GLYR1: variants seen among roughly 807,000 people sequenced by gnomAD.
GLYR1 encodes cytokine-like nuclear factor N-PAC.
Under a neutral mutation model 72.7 loss-of-function variants are expected in GLYR1, and 21 were observed. That is an observed-to-expected ratio of 0.29 (90% CI 0.20 to 0.42). GLYR1 has a LOEUF of 0.42. Ranked by LOEUF, GLYR1 falls within the 10% of genes least tolerant of loss-of-function variation. The pLI, the probability that GLYR1 is intolerant of heterozygous loss-of-function variation, is 1.00. For synonymous variants in GLYR1, 392 were observed against 270.2 expected (o/e 1.45, Z -4.42); for missense variants, 594 against 712.1 (o/e 0.83, Z 1.89).
intron 9 of GLYR1, 44 bp from the exon 10 acceptor site, chr16:4,817,741 G>T: frequency 8.3e-7 from 1 of 1,197,924 alleles, no homozygotes; most frequent in Non-Finnish European, 1.2e-6. Context: ...GAAAGGGAGG[G>T]TCACGGTGAT....
At chr16:4,812,972 T>TG (rs1218320064) in intron 12 of GLYR1, among the ~76,000 whole-genome samples, 1 of 151,190 alleles carries the variant, frequency 6.6e-6, no homozygotes, top group Non-Finnish European at 1.5e-5. Flanking sequence ...AATTTTTTTT[T>TG]TTTTTTTTGA....
At position 4,846,198 on chromosome 16, in the gene GLYR1, G is replaced by C; in HGVS notation, c.51C>G (p.Gly17=). 1 of 1,613,874 alleles carries C rather than the reference G, an allele frequency of 6.2e-7. No individual in the cohort carries two copies. Among genetic ancestry groups the C allele is most frequent in the Non-Finnish European group, 8.5e-7 (1 of 1,179,866 alleles). Residue 17 remains glycine (G), a synonymous_variant, in exon 2 of 16, where the codon GGC becomes GGG. Coordinates refer to ENST00000321919, the MANE Select transcript of GLYR1 (RefSeq NM_032569.4). ...CCTTTCCTGGCCAAGGAGGATATCGGCCGAGTTTCCCCCTAGAGAAAACAC... is the reference window on the plus strand; with the variant it reads ...CCTTTCCTGGCCAAGGAGGATATCGCCCGAGTTTCCCCCTAGAGAAAACAC... ...RLGDLVWGKL[G]RYPPWPGKIV...
rs369752143 is a variant in GLYR1 at position 4,828,635 on chromosome 16, C to T, written c.537+3344G>A. Among the ~76,000 whole-genome samples, 17 of 152,142 alleles carry T rather than the reference C, an allele frequency of 1.1e-4. No homozygotes were observed. The South Asian group carries it at 1.7e-3, about 15-fold the overall frequency. ...GCCTCTGGGGTTCTCACTGTACAAA[C>T]GGCCAGTGTCTGCGAAACAAACCTA... On this transcript the variant is annotated intron_variant, in intron 5 of 15. Transcript: ENST00000321919.
chr16:4,839,417 C>G (rs1246260798), intron 3 of GLYR1: 1 of 152,188 alleles, frequency 6.6e-6, no homozygotes, highest in Non-Finnish European at 1.5e-5. Flanking sequence ...AAACCGTGAG[C>G]TCTGTCTCTA....
chr16:4,838,869 G>C (rs1343318395), intron 3 of GLYR1, among the ~76,000 whole-genome samples: 1 of 152,062 alleles, frequency 6.6e-6, no homozygotes, highest in Non-Finnish European at 1.5e-5. Context: ...TTACAGATGT[G>C]AGCCACCGTG....
At chr16:4,830,508 G>A (rs979804536) in intron 5 of GLYR1, among the ~76,000 whole-genome samples, 12 of 152,298 alleles carry the variant, frequency 7.9e-5, no homozygotes, top group African/African-American at 2.2e-4. Flanking sequence ...CCTGGCACCC[G>A]TGCCACTGCT....
chr16:4,825,762 C>T (rs1218603332), intron 5 of GLYR1, among the ~76,000 whole-genome samples: 1 of 152,060 alleles, frequency 6.6e-6, no homozygotes, highest in Admixed American at 6.6e-5. Context: ...AGCGATTCTC[C>T]TGCCTCAGCC....
chr16:4,843,247 T>A (rs1004296032), intron 3 of GLYR1, among the ~76,000 whole-genome samples: 6 of 152,186 alleles, frequency 3.9e-5, no homozygotes, highest in Non-Finnish European at 5.9e-5. Context: ...CTCTGCCTCC[T>A]GGGTTCAGGC....
At chr16:4,838,604 T>C (rs1193501774) in intron 3 of GLYR1, among the ~76,000 whole-genome samples, 3 of 151,972 alleles carry the variant, frequency 2.0e-5, no homozygotes, top group Non-Finnish European at 4.4e-5. Context: ...TTTTTTTTTT[T>C]GAGACAGAGT....
At chr16:4,812,588 G>A (rs1226982707) in intron 12 of GLYR1, among the ~76,000 whole-genome samples, 4 of 151,946 alleles carry the variant, frequency 2.6e-5, no homozygotes, top group Non-Finnish European at 5.9e-5. Flanking sequence ...CGCCTCGCGG[G>A]TTCATGCCAT....
chr16:4,838,948 T>TC (rs1259513325), intron 3 of GLYR1, among the ~76,000 whole-genome samples: 23 of 152,250 alleles, frequency 1.5e-4, no homozygotes, highest in African/African-American at 5.3e-4. Context: ...ATACAGTGCC[T>TC]CAATCACAGT....
In GLYR1 at chr16:4,842,918, T is replaced by G. The variant is rs544519450; in HGVS notation, c.155+2156A>C. Among the ~76,000 whole-genome samples, 4 of 152,114 alleles carry G rather than the reference T, an allele frequency of 2.6e-5. No individual in the cohort carries two copies. In the South Asian group the frequency reaches 6.2e-4, roughly 24 times the overall value. On this transcript the variant is annotated intron_variant, in intron 3 of 15. Coordinates refer to ENST00000321919, the MANE Select transcript of GLYR1 (RefSeq NM_032569.4). The stretch of plus-strand genomic sequence containing the variant: ...TTTCACCATGTTGGCCAGGCTGTTC[T>G]CAAATTCCTGGCGTTAAGCAATCTG...
chr16:4,811,355 G>A (rs888699539), intron 14 of GLYR1, 61 bp from the exon 15 acceptor site: 39 of 1,599,368 alleles, frequency 2.4e-5, no homozygotes, highest in Admixed American at 1.9e-4. Context: ...AACTACTTAC[G>A]GTCCACCAGG....
chr16:4,827,406 T>C (rs766235943), intron 5 of GLYR1, among the ~76,000 whole-genome samples: 1 of 152,208 alleles, frequency 6.6e-6, no homozygotes, highest in Non-Finnish European at 1.5e-5. Flanking sequence ...ATCTGTCCTG[T>C]ACCACATGCC....
intron 15 of GLYR1, among the ~76,000 whole-genome samples, chr16:4,807,797 CTT>C (rs757031109): frequency 3.9e-5 from 6 of 152,174 alleles, no homozygotes; most frequent in Non-Finnish European, 8.8e-5. Flanking sequence ...TCAAAAAAGA[CTT>C]ATAAAATACA....
At chr16:4,816,772 G>C (rs573634611) in intron 10 of GLYR1, among the ~76,000 whole-genome samples, 3 of 152,180 alleles carry the variant, frequency 2.0e-5, no homozygotes, top group Admixed American at 6.5e-5. Flanking sequence ...GATCACCTGA[G>C]GTCAGAAGTT....
chr16:4,841,205 T>C (rs1405141939), intron 3 of GLYR1, among the ~76,000 whole-genome samples: 2 of 152,094 alleles, frequency 1.3e-5, no homozygotes, highest in East Asian at 1.9e-4. Flanking sequence ...ACATCACCAC[T>C]GGCTTCACCT....
intron 1 of GLYR1, 191 bp downstream of exon 1, chr16:4,847,037 C>T (rs1738446065): frequency 1.7e-6 from 1 of 581,212 alleles, no homozygotes; most frequent in Non-Finnish European, 3.0e-6. Flanking sequence ...ACGTGGCCAC[C>T]CTCGGCCTCG....
In GLYR1 at chr16:4,803,660, T is replaced by G. The variant is rs927170238; in HGVS notation, c.*1576A>C. ...TTCAAAATCCCAGTGAAATGAACTG[T>G]GCTAAAAACCCGACAGGCATCTTCC... is the stretch of plus-strand genomic sequence containing the variant. On this transcript the variant is annotated 3_prime_UTR_variant, in exon 16 of 16. Coordinates refer to ENST00000321919, the MANE Select transcript of GLYR1 (RefSeq NM_032569.4). 1 of 151,034 alleles carries G rather than the reference T, an allele frequency of 6.6e-6. No individual in the cohort carries two copies. The highest frequency in any genetic ancestry group is 2.4e-5 in the African/African-American group (1 of 40,940). 9.4% of individuals were successfully genotyped at this position (151,034 alleles called of 1,614,324 possible).
Sources: allele counts gnomAD v4.1 joint callset (sites outside exome capture counted in the v4.1 genomes callset), GRCh38; gene constraint gnomAD v4.1.1; transcripts MANE v1.5; gene names NCBI Gene and HGNC (gene_info 2026-07-23, HGNC 2026-07-21).